Variants in MAP4K1 observed in about 807,000 individuals in gnomAD.
MAP4K1 encodes the protein mitogen-activated protein kinase kinase kinase kinase 1, also known as MAPK/ERK kinase kinase kinase 1.
MAP4K1 carries 35 observed loss-of-function variants against 122.8 expected under a neutral mutation model. That is an observed-to-expected ratio of 0.29 (90% CI 0.22 to 0.38). MAP4K1 has a LOEUF of 0.38. Among genes scored for constraint, MAP4K1 ranks in the 10% least tolerant of loss-of-function variants. The probability of loss-of-function intolerance (pLI) is 1.00; values close to 1 mark genes in which losing one functional copy is unlikely to be tolerated. For synonymous variants in MAP4K1, 412 were observed against 421.3 expected, an observed-to-expected ratio of 0.98 and a Z score of 0.27; for missense variants, 791 against 1,072.6, an observed-to-expected ratio of 0.74 and a Z score of 3.67.
rs1975695129 is a variant in MAP4K1, at chr19:38,617,784, G to A, written c.99+13C>T. 1 of 1,613,922 alleles carries A rather than the reference G, an allele frequency of 6.2e-7. No homozygotes were observed. The highest frequency in any genetic ancestry group is 8.5e-7 in the Non-Finnish European group (1 of 1,179,808). ...CTGGTTGTAGGGTGTTGGGGACAGA[G>A]GGGCTTCCTCACCTTAAAGACTTCC... On this transcript the variant is annotated intron_variant, in intron 1 of 30. Coordinates refer to ENST00000396857, the MANE Select transcript of MAP4K1 (RefSeq NM_001042600.3). This position sits in a 1 kb window ranked among gnomAD's most constrained non-coding sequence, Gnocchi z 4.1.
chr19:38,593,869 G>A (rs1284322205), intron 29 of MAP4K1, among the ~76,000 whole-genome samples: 3 of 152,126 alleles, frequency 2.0e-5, no homozygotes, highest in Non-Finnish European at 4.4e-5. Flanking sequence ...GGAACAGAGC[G>A]AGACTCCATT....
intron 27 of MAP4K1, 25 bp from the exon 28 acceptor site, chr19:38,595,754 G>A (rs1311092300): frequency 6.4e-7 from 1 of 1,570,554 alleles, no homozygotes; most frequent in African/African-American, 1.4e-5. Context: ...ACGGTTTTAA[G>A]AACTGTGAGC....
At chr19:38,590,633 C>T (rs2145929047) in intron 30 of MAP4K1, among the ~76,000 whole-genome samples, 1 of 151,550 alleles carries the variant, frequency 6.6e-6, no homozygotes, top group South Asian at 2.1e-4. Context: ...TGCCACCACA[C>T]CCAGCTAATT....
chr19:38,595,862 A>G, intron 27 of MAP4K1, 77 bp downstream of exon 27: 2 of 1,561,466 alleles, frequency 1.3e-6, no homozygotes, highest in Non-Finnish European at 1.8e-6. Flanking sequence ...GGTTCTGAGA[A>G]GCACAAGTTC....
intron 29 of MAP4K1, among the ~76,000 whole-genome samples, chr19:38,594,955 T>C (rs1974825235): frequency 2.2e-5 from 2 of 90,554 alleles, no homozygotes; most frequent in Non-Finnish European, 4.3e-5. Context: ...AATAAATAAA[T>C]TTTATCTATC....
chr19:38,611,388 T>C (rs1275569542), intron 9 of MAP4K1, 83 bp from the exon 10 acceptor site: 1 of 920,574 alleles, frequency 1.1e-6, no homozygotes, highest in African/African-American at 1.6e-5. Context: ...AGTAGCATTG[T>C]GGTCAGCAGA....
Position 38,597,173 on chromosome 19 carries a change from C to T in MAP4K1, c.1838-36G>A, listed in dbSNP as rs745724688. Reference sequence around the variant, plus strand: ...GGCAAGGATGAGTCAAGATCAATGCCCTCTATCCTCCTCGCCACCCACACT... The same window carrying T: ...GGCAAGGATGAGTCAAGATCAATGCTCTCTATCCTCCTCGCCACCCACACT... On this transcript the variant is annotated intron_variant, in intron 24 of 30. Coordinates refer to ENST00000396857, the MANE Select transcript of MAP4K1 (RefSeq NM_001042600.3). This position sits in a 1 kb window ranked among gnomAD's most constrained non-coding sequence, Gnocchi z 4.6. 3 of 1,606,738 alleles carry T rather than the reference C, an allele frequency of 1.9e-6. No individual in the cohort carries two copies. In the South Asian group the frequency reaches 3.3e-5, roughly 18 times the overall value.
At chr19:38,604,754 C>A (rs1411654020) in intron 19 of MAP4K1, among the ~76,000 whole-genome samples, 1 of 141,954 alleles carries the variant, frequency 7.0e-6, no homozygotes, top group Non-Finnish European at 1.5e-5. Flanking sequence ...CGCGCCACTG[C>A]ACTCCAGCCT....
At chr19:38,604,968 T>G (rs1261808196) in intron 19 of MAP4K1, among the ~76,000 whole-genome samples, 1 of 150,694 alleles carries the variant, frequency 6.6e-6, no homozygotes, top group Non-Finnish European at 1.5e-5. Flanking sequence ...TTGCCTGTAA[T>G]CTCAGCTACT....
At chr19:38,602,717 TAC>T (rs369012167) in intron 19 of MAP4K1, among the ~76,000 whole-genome samples, 40 of 149,314 alleles carry the variant, frequency 2.7e-4, no homozygotes, top group East Asian at 2.0e-3. Context: ...TATACATATA[TAC>T]ACACATATAC....
chr19:38,590,681 G>A (rs1181554447), intron 30 of MAP4K1, among the ~76,000 whole-genome samples: 1 of 151,338 alleles, frequency 6.6e-6, no homozygotes, highest in Non-Finnish European at 1.5e-5. Context: ...CTCCATGTTG[G>A]CCAGGCCCAT....
At chr19:38,608,987 AT>A (rs1470799030) in intron 13 of MAP4K1, among the ~76,000 whole-genome samples, 1 of 151,978 alleles carries the variant, frequency 6.6e-6, no homozygotes, top group African/African-American at 2.4e-5. Flanking sequence ...TCACAAAAAA[AT>A]AAACAAATAA....
chr19:38,610,410 G>A (rs1271356103), intron 11 of MAP4K1, among the ~76,000 whole-genome samples: 10 of 122,654 alleles, frequency 8.2e-5, no homozygotes, highest in Non-Finnish European at 1.6e-4. Context: ...TTTTGAGACA[G>A]GGTCTCGCCC....
chr19:38,610,017 C>G lies in MAP4K1; in HGVS notation c.819G>C (p.Leu273=), dbSNP rs1468063494. ...CTCGATTCAGCCCAGGCTGGGATACCAGTTGATGCTGGCGGAGGGAAGAGG... is the reference window on the plus strand; with the variant it reads ...CTCGATTCAGCCCAGGCTGGGATACGAGTTGATGCTGGCGGAGGGAAGAGG... ...PSATKMLSHQ[L]VSQPGLNRGL... Residue 273 remains leucine (L), a synonymous_variant, in exon 12 of 31, where the codon CTG becomes CTC. Coordinates refer to ENST00000396857, the MANE Select transcript of MAP4K1 (RefSeq NM_001042600.3). The G allele has an allele frequency of 6.2e-7, 1 of 1,612,488 alleles. No homozygotes were observed. Among genetic ancestry groups the G allele is most frequent in the Non-Finnish European group, 8.5e-7 (1 of 1,178,566 alleles).
chr19:38,596,623 TA>T, intron 25 of MAP4K1, 137 bp from the exon 26 acceptor site: 1 of 760,416 alleles, frequency 1.3e-6, no homozygotes, highest in Non-Finnish European at 2.0e-6. Context: ...TGTCAGGGGA[TA>T]AGGCCTGGTG....
At chr19:38,592,773 C>T (rs555305702) in intron 30 of MAP4K1, among the ~76,000 whole-genome samples, 4 of 151,538 alleles carry the variant, frequency 2.6e-5, no homozygotes, top group South Asian at 4.2e-4. Flanking sequence ...TAGTATTAGC[C>T]GGGTGTGGTG....
chr19:38,605,820 A>AACT lies in MAP4K1; in HGVS notation c.1201-93_1201-91dup, dbSNP rs1224347275. 3.1e-6 allele frequency: 4 copies of AACT among 1,300,906 alleles called. No homozygotes were observed. The African/African-American group carries it at 6.0e-5, about 19-fold the overall frequency. The allele number at this position is 1,300,906 out of a possible 1,614,324, so 80.6% of individuals were successfully genotyped here. A position where few individuals can be genotyped will look rare whatever the true frequency, so the allele number is the denominator to read the frequency against. ...CAACTCAAGTCCCTGCCTCCACCAGAACTAACAGCTGTGGCTCTGACCCAC... is the reference window on the plus strand; with the variant it reads ...CAACTCAAGTCCCTGCCTCCACCAGAACTACTAACAGCTGTGGCTCTGACCCAC... On this transcript the variant is annotated intron_variant, in intron 17 of 30. Coordinates refer to ENST00000396857, the MANE Select transcript of MAP4K1 (RefSeq NM_001042600.3).
chr19:38,614,026 C>T lies in MAP4K1; in HGVS notation c.460+17G>A, dbSNP rs200488915. The T allele has an allele frequency of 1.9e-6, 3 of 1,609,830 alleles. No individual in the cohort carries two copies. Among genetic ancestry groups the T allele is most frequent in the Middle Eastern group, 1.7e-4 (1 of 5,966 alleles). The stretch of plus-strand genomic sequence containing the variant: ...CCCCCCAGTCAGCCCCCCTGCTCAA[C>T]CCCCAGCCTTACTCACCCAATCTGA... On this transcript the variant is annotated intron_variant, in intron 7 of 30. Coordinates refer to ENST00000396857, the MANE Select transcript of MAP4K1 (RefSeq NM_001042600.3).
intron 19 of MAP4K1, among the ~76,000 whole-genome samples, chr19:38,603,570 C>T (rs1975232262): frequency 6.6e-6 from 1 of 152,060 alleles, no homozygotes; most frequent in African/African-American, 2.4e-5. Context: ...GCCAACCAGG[C>T]ACGGCTGTAA....
Sources: allele counts gnomAD v4.1 joint callset (sites outside exome capture counted in the v4.1 genomes callset), GRCh38; gene constraint gnomAD v4.1.1; non-coding constraint Gnocchi (gnomAD v3.1); transcripts MANE v1.5; gene names NCBI Gene and HGNC (gene_info 2026-07-23, HGNC 2026-07-21).